BCAS3: variants seen among roughly 807,000 people sequenced by gnomAD.
BCAS3 encodes BCAS4/BCAS3 fusion.
Under a neutral mutation model 116.1 loss-of-function variants are expected in BCAS3, and 53 were observed. The observed-to-expected ratio is 0.46, with a 90% CI of 0.37 to 0.57. BCAS3 has a LOEUF of 0.57. BCAS3 is among the 20% of genes least tolerant of loss of function. BCAS3 has a pLI of 0.00. For synonymous variants in BCAS3, 391 were observed against 408.2 expected, an observed-to-expected ratio of 0.96 and a Z score of 0.51; for missense variants, 917 against 1,165.4, an observed-to-expected ratio of 0.79 and a Z score of 3.10.
intron 22 of BCAS3, among the ~76,000 whole-genome samples, chr17:61,175,218 G>C (rs2079066966): frequency 6.6e-6 from 1 of 152,100 alleles, no homozygotes; most frequent in South Asian, 2.1e-4. Context: ...ATCAACCTGA[G>C]CAACTTAGTG....
At chr17:61,027,051 T>G in intron 16 of BCAS3, 1 of 700,360 alleles carries the variant, frequency 1.4e-6, no homozygotes, top group Non-Finnish European at 2.4e-6. Flanking sequence ...AGATGGAACA[T>G]GAATGTTGAT....
intron 13 of BCAS3, among the ~76,000 whole-genome samples, chr17:60,933,237 TTA>T: frequency 6.6e-6 from 1 of 152,220 alleles, no homozygotes; most frequent in Non-Finnish European, 1.5e-5. Flanking sequence ...TAGTATACTA[TTA>T]TGTTTTTGGA....
Position 61,362,986 on chromosome 17 carries a change from A to G in BCAS3, c.2426-5341A>G, listed in dbSNP as rs371219476. ...GACTGCAAACTGACTGTCAAATTTC[A>G]TAAGTAGTCAATAAACGAACCTGTT... On this transcript the variant is annotated intron_variant, in intron 22 of 23. Transcript: ENST00000407086. This position sits in a 1 kb window ranked among gnomAD's most constrained non-coding sequence, Gnocchi z 4.4. 3.9e-5 allele frequency among the ~76,000 whole-genome samples: 6 copies of G among 152,234 alleles called. No individual in the cohort carries two copies. In the East Asian group the frequency reaches 7.7e-4, roughly 19 times the overall value.
chr17:61,019,547 A>T lies in BCAS3; in HGVS notation c.1637+3646A>T, dbSNP rs1600518893. The stretch of plus-strand genomic sequence containing the variant: ...AATACATGTATTTTGCCTTGTCAAA[A>T]GTAATATTTGATTCGTGAGAACCAA... On this transcript the variant is annotated intron_variant, in intron 16 of 23. Transcript: ENST00000407086. The surrounding 1 kb of genome is among the most constrained non-coding windows in gnomAD (Gnocchi z 5.6). 6.6e-6 allele frequency among the ~76,000 whole-genome samples: 1 copy of T among 152,340 alleles called. No homozygotes were observed. Among genetic ancestry groups the T allele is most frequent in the South Asian group, 2.1e-4 (1 of 4,824 alleles).
chr17:61,128,679 C>T lies in BCAS3; in HGVS notation c.2425+44115C>T. On this transcript the variant is annotated intron_variant, in intron 22 of 23. Transcript: ENST00000407086. The surrounding 1 kb of genome is among the most constrained non-coding windows in gnomAD (Gnocchi z 4.1). The stretch of plus-strand genomic sequence containing the variant: ...TTGTATTGTTTCTGCATCGTCCTGT[C>T]AAACATCTGGAAACCAGCATATTGG... 1.2e-6 allele frequency: 1 copy of T among 847,772 alleles called. No individual in the cohort carries two copies. Among genetic ancestry groups the T allele is most frequent in the Non-Finnish European group, 1.4e-6 (1 of 704,682 alleles). 52.5% of individuals were successfully genotyped at this position (847,772 alleles called of 1,614,324 possible).
chr17:60,977,160 C>T (rs1053620803), intron 14 of BCAS3, among the ~76,000 whole-genome samples: 11 of 152,036 alleles, frequency 7.2e-5, no homozygotes, highest in East Asian at 1.9e-4. Context: ...CTGCCCCCCA[C>T]GAAACAATAT....
rs911622814 is a variant in BCAS3 at position 61,083,318 on chromosome 17, T to C, written c.2328-1149T>C. Among the ~76,000 whole-genome samples, 1 of 151,010 alleles carries C rather than the reference T, an allele frequency of 6.6e-6. No homozygotes were observed. Among genetic ancestry groups the C allele is most frequent in the Non-Finnish European group, 1.5e-5 (1 of 68,044 alleles). Reference sequence around the variant, plus strand: ...TATTTTGCATTGTCATGAATGTTCATGTGCTATGTCATATATATACACATT... The same window carrying C: ...TATTTTGCATTGTCATGAATGTTCACGTGCTATGTCATATATATACACATT... On this transcript the variant is annotated intron_variant, in intron 21 of 23. Transcript: ENST00000407086. The surrounding 1 kb of genome is among the most constrained non-coding windows in gnomAD (Gnocchi z 4.9).
At position 61,118,710 on chromosome 17, in the gene BCAS3, C is replaced by T. The variant is rs919151290; in HGVS notation, c.2425+34146C>T. Among the ~76,000 whole-genome samples the T allele has an allele frequency of 1.3e-5, 2 of 152,110 alleles. No homozygotes were observed. Among genetic ancestry groups the T allele is most frequent in the African/African-American group, 4.8e-5 (2 of 41,400 alleles). The stretch of plus-strand genomic sequence containing the variant: ...AAAGTTTCTGTCTTGCTAGGCTACA[C>T]ATTCCTGTTTTTTTTGGCAAGAGAG... On this transcript the variant is annotated intron_variant, in intron 22 of 23. Coordinates refer to ENST00000407086, the MANE Select transcript of BCAS3 (RefSeq NM_017679.5). This position sits in a 1 kb window ranked among gnomAD's most constrained non-coding sequence, Gnocchi z 5.0.
intron 6 of BCAS3, among the ~76,000 whole-genome samples, chr17:60,785,051 A>G (rs1355649281): frequency 4.6e-5 from 7 of 152,188 alleles, no homozygotes; most frequent in Admixed American, 4.6e-4. Context: ...GTGAGCTGAG[A>G]TCGTGCCATT....
At position 61,309,120 on chromosome 17, in the gene BCAS3, CT is replaced by C. The variant is rs1333918638; in HGVS notation, c.2426-59206del. 6.8e-6 allele frequency among the ~76,000 whole-genome samples: 1 copy of C among 146,546 alleles called. No homozygotes were observed. The highest frequency in any genetic ancestry group is 1.5e-5 in the Non-Finnish European group (1 of 67,860). ...ACTGAAACAAGGGTTAGTTCCCTAC[CT>C]CCATGCCCGTCAAGGAGTAATACTT... On this transcript the variant is annotated intron_variant, in intron 22 of 23. Transcript: ENST00000407086. The surrounding 1 kb of genome is among the most constrained non-coding windows in gnomAD (Gnocchi z 4.6).
In BCAS3 at chr17:61,300,690, G is replaced by T. The variant is rs2053357007; in HGVS notation, c.2426-67637G>T. Among the ~76,000 whole-genome samples the T allele has an allele frequency of 6.6e-6, 1 of 152,184 alleles. No homozygotes were observed. Among genetic ancestry groups the T allele is most frequent in the African/African-American group, 2.4e-5 (1 of 41,434 alleles). On this transcript the variant is annotated intron_variant, in intron 22 of 23. Coordinates refer to ENST00000407086, the MANE Select transcript of BCAS3 (RefSeq NM_017679.5). This position sits in a 1 kb window ranked among gnomAD's most constrained non-coding sequence, Gnocchi z 5.1. ...GAACTCTCTGCATTAGCTGAAAATAGGGAAAAGAATACCTTTTTTTCCCTC... is the reference window on the plus strand; with the variant it reads ...GAACTCTCTGCATTAGCTGAAAATATGGAAAAGAATACCTTTTTTTCCCTC...
At chr17:60,892,496 A>T (rs1041083169) in intron 10 of BCAS3, among the ~76,000 whole-genome samples, 1 of 151,774 alleles carries the variant, frequency 6.6e-6, no homozygotes, top group African/African-American at 2.4e-5. Flanking sequence ...TTTAGTAGAG[A>T]TGGGGTTTCT....
At chr17:60,889,637 T>C (rs2056999376) in intron 9 of BCAS3, 58 bp from the exon 10 acceptor site, 1 of 1,381,446 alleles carries the variant, frequency 7.2e-7, no homozygotes, top group Non-Finnish European at 1.0e-6. Context: ...CGATATATGA[T>C]GCACCAACAG....
intron 6 of BCAS3, among the ~76,000 whole-genome samples, chr17:60,764,931 T>A (rs8067397): frequency 0.28 from 42,082 of 152,058 alleles, 11,506 homozygotes; most frequent in African/African-American, 0.72. Context: ...TGTTGAATTG[T>A]TCCCTTTACC....
In BCAS3 at chr17:61,214,762, T is replaced by A. The variant is rs1397220620; in HGVS notation, c.2425+130198T>A. Reference sequence around the variant, plus strand: ...ACTATAGGGATATTTTGATGGACTGTTCTTTGGAATTAACAGGTCCACAAG... The same window carrying A: ...ACTATAGGGATATTTTGATGGACTGATCTTTGGAATTAACAGGTCCACAAG... On this transcript the variant is annotated intron_variant, in intron 22 of 23. Transcript: ENST00000407086. This position sits in a 1 kb window ranked among gnomAD's most constrained non-coding sequence, Gnocchi z 4.4. 6.6e-6 allele frequency among the ~76,000 whole-genome samples: 1 copy of A among 152,226 alleles called. No homozygotes were observed. Among genetic ancestry groups the A allele is most frequent in the African/African-American group, 2.4e-5 (1 of 41,450 alleles).
chr17:61,159,674 G>A (rs893242357), intron 22 of BCAS3, among the ~76,000 whole-genome samples: 2 of 152,150 alleles, frequency 1.3e-5, no homozygotes, highest in African/African-American at 4.8e-5. Flanking sequence ...GCCTGGAGAG[G>A]CAGACCCTTT....
chr17:61,287,136 T>C (rs1310544426), intron 22 of BCAS3, among the ~76,000 whole-genome samples: 1 of 149,838 alleles, frequency 6.7e-6, no homozygotes, highest in Non-Finnish European at 1.5e-5. Flanking sequence ...TAGTCTTAGC[T>C]ACTGGGGAGG....
rs1000135919 is a variant in BCAS3, at chr17:61,136,651, C to T, written c.2425+52087C>T. Among the ~76,000 whole-genome samples the T allele has an allele frequency of 3.9e-5, 6 of 152,176 alleles. No homozygotes were observed. The highest frequency in any genetic ancestry group is 1.5e-5 in the Non-Finnish European group (1 of 68,024). ...CTCAGCTCACTGCAACCTCTGCCTC[C>T]CAGGTTCAAGCAATTCTTATACCTC... On this transcript the variant is annotated intron_variant, in intron 22 of 23. Transcript: ENST00000407086. The surrounding 1 kb of genome is among the most constrained non-coding windows in gnomAD (Gnocchi z 4.4).
At position 61,151,089 on chromosome 17, in the gene BCAS3, C is replaced by A. The variant is rs2077515217; in HGVS notation, c.2425+66525C>A. Among the ~76,000 whole-genome samples, 1 of 152,214 alleles carries A rather than the reference C, an allele frequency of 6.6e-6. No individual in the cohort carries two copies. Among genetic ancestry groups the A allele is most frequent in the Admixed American group, 6.5e-5 (1 of 15,282 alleles). On this transcript the variant is annotated intron_variant, in intron 22 of 23. Transcript: ENST00000407086. This position sits in a 1 kb window ranked among gnomAD's most constrained non-coding sequence, Gnocchi z 4.8. ...TTTAAAGCTACAATGACCACAACTA[C>A]TGCAATGACTGTTACTGCTACTACT...
Sources: allele counts gnomAD v4.1 joint callset (sites outside exome capture counted in the v4.1 genomes callset), GRCh38; gene constraint gnomAD v4.1.1; non-coding constraint Gnocchi (gnomAD v3.1); transcripts MANE v1.5; gene names NCBI Gene and HGNC (gene_info 2026-07-23, HGNC 2026-07-21).